Variants in MAPK10 observed in about 807,000 individuals in gnomAD.
MAPK10 encodes the protein mitogen-activated protein kinase 10, also known as JNK3 alpha protein kinase.
MAPK10 carries 25 observed loss-of-function variants against 59.3 expected under a neutral mutation model. The observed-to-expected ratio is 0.42, with a 90% confidence interval of 0.31 to 0.59. The LOEUF (loss-of-function observed/expected upper bound fraction) is 0.59, where lower values mean the gene tolerates loss of function less well. Among genes scored for constraint, MAPK10 ranks in the 20% least tolerant of loss-of-function variants. The pLI is 0.15. For synonymous variants in MAPK10, 190 were observed against 200.5 expected, an observed-to-expected ratio of 0.95 and a Z score of 0.44; for missense variants, 351 against 568.9, an observed-to-expected ratio of 0.62 and a Z score of 3.90.
chr4:86,208,445 C>G (rs1443928832), intron 2 of MAPK10, among the ~76,000 whole-genome samples: 1 of 148,578 alleles, frequency 6.7e-6, no homozygotes, highest in Non-Finnish European at 1.5e-5. Flanking sequence ...ATACGCAAGT[C>G]AATAAATGTA....
chr4:86,593,582 C>A (rs190989702), intron 1 of MAPK10, among the ~76,000 whole-genome samples: 42 of 152,262 alleles, frequency 2.8e-4, no homozygotes, highest in African/African-American at 9.4e-4. Flanking sequence ...TTTCAAACTT[C>A]GGGATTATTT....
intron 1 of MAPK10, among the ~76,000 whole-genome samples, chr4:86,577,193 A>G (rs1761965592): frequency 6.6e-6 from 1 of 151,754 alleles, no homozygotes; most frequent in Admixed American, 6.6e-5. Context: ...CACTTGTAAT[A>G]CCAGCTGCTT....
At chr4:86,289,977 G>T (rs1180093899) in intron 2 of MAPK10, among the ~76,000 whole-genome samples, 1 of 152,102 alleles carries the variant, frequency 6.6e-6, no homozygotes, top group African/African-American at 2.4e-5. Context: ...GCTAAGAATT[G>T]ATTTTGGACG....
chr4:86,015,823 A>C lies in MAPK10; in HGVS notation c.*1405T>G, dbSNP rs538270713. 1 of 152,320 alleles carries C rather than the reference A, an allele frequency of 6.6e-6. No individual in the cohort carries two copies. The highest frequency in any genetic ancestry group is 1.9e-4 in the East Asian group (1 of 5,190). The allele number at this position is 152,320 out of a possible 1,614,324, so 9.4% of individuals were successfully genotyped here. A position where few individuals can be genotyped will look rare whatever the true frequency, so the allele number is the denominator to read the frequency against. ...TTGCTCATACTTATTAAAATAAATAAATAAACATGAAACATCAGCCACATT... is the reference window on the plus strand; with the variant it reads ...TTGCTCATACTTATTAAAATAAATACATAAACATGAAACATCAGCCACATT... On this transcript the variant is annotated 3_prime_UTR_variant, in exon 14 of 14. Coordinates refer to ENST00000641462, the MANE Select transcript of MAPK10 (RefSeq NM_138982.4).
chr4:86,081,348 CAT>C (rs2050612184), intron 9 of MAPK10: 2 of 151,840 alleles, frequency 1.3e-5, no homozygotes, highest in Admixed American at 6.6e-5. Flanking sequence ...AGACATAAAA[CAT>C]ATAAATTATA....
At chr4:86,238,647 T>G (rs1563450485) in intron 2 of MAPK10, among the ~76,000 whole-genome samples, 2 of 152,222 alleles carry the variant, frequency 1.3e-5, no homozygotes, top group East Asian at 3.8e-4. Flanking sequence ...GCTCTCCGCT[T>G]GCCTATTGTT....
intron 4 of MAPK10, among the ~76,000 whole-genome samples, chr4:86,132,953 TA>T (rs2061277206): frequency 6.6e-6 from 1 of 152,158 alleles, no homozygotes; most frequent in South Asian, 2.1e-4. Context: ...ACAATAAATG[TA>T]ATGTGCTTGA....
intron 1 of MAPK10, among the ~76,000 whole-genome samples, chr4:86,426,320 T>C (rs1038896999): frequency 2.0e-5 from 3 of 152,208 alleles, no homozygotes; most frequent in African/African-American, 7.2e-5. Context: ...CTTTTCAGAA[T>C]AAAAATGCAA....
At chr4:86,541,463 C>A (rs903770522) in intron 1 of MAPK10, among the ~76,000 whole-genome samples, 1 of 152,048 alleles carries the variant, frequency 6.6e-6, no homozygotes, top group Non-Finnish European at 1.5e-5. Context: ...TTCCCAAAGA[C>A]CGCCACCAGG....
intron 3 of MAPK10, among the ~76,000 whole-genome samples, chr4:86,159,944 A>G (rs1233403412): frequency 1.3e-5 from 2 of 152,040 alleles, no homozygotes. Flanking sequence ...ATACAAACTT[A>G]TGTAAAGTTT....
intron 2 of MAPK10, among the ~76,000 whole-genome samples, chr4:86,302,099 A>G (rs1369062946): frequency 6.6e-6 from 1 of 152,176 alleles, no homozygotes; most frequent in Non-Finnish European, 1.5e-5. Context: ...TTTTGAATTT[A>G]CATGATGGTG....
intron 11 of MAPK10, among the ~76,000 whole-genome samples, chr4:86,047,466 G>C (rs572442505): frequency 6.6e-6 from 1 of 152,264 alleles, no homozygotes; most frequent in East Asian, 1.9e-4. Flanking sequence ...GAAAAGGGAA[G>C]CCTAAAGGTG....
intron 2 of MAPK10, among the ~76,000 whole-genome samples, chr4:86,320,095 T>C (rs533923645): frequency 1.4e-4 from 22 of 152,324 alleles, no homozygotes; most frequent in African/African-American, 5.3e-4. Flanking sequence ...GCACGAAACC[T>C]GGAGTCTAGT....
intron 1 of MAPK10, among the ~76,000 whole-genome samples, chr4:86,425,486 C>CTGTTT (rs1221803942): frequency 6.6e-6 from 1 of 151,830 alleles, no homozygotes; most frequent in African/African-American, 2.4e-5. Flanking sequence ...ACAAACACAC[C>CTGTTT]TGTTTTGTTT....
At chr4:86,122,774 T>G (rs1580690779) in intron 4 of MAPK10, among the ~76,000 whole-genome samples, 1 of 152,156 alleles carries the variant, frequency 6.6e-6, no homozygotes, top group Non-Finnish European at 1.5e-5. Flanking sequence ...ATGTGGATGG[T>G]CTGCCTCTGT....
intron 5 of MAPK10, among the ~76,000 whole-genome samples, chr4:86,104,374 T>C (rs1478075987): frequency 6.6e-6 from 1 of 152,144 alleles, no homozygotes; most frequent in African/African-American, 2.4e-5. Flanking sequence ...GTGTGGAATA[T>C]TCATATAGAA....
At chr4:86,573,429 T>G (rs1473100366) in intron 1 of MAPK10, among the ~76,000 whole-genome samples, 1 of 152,208 alleles carries the variant, frequency 6.6e-6, no homozygotes, top group Non-Finnish European at 1.5e-5. Flanking sequence ...TATGTGGGCA[T>G]CTTTCTGTAC....
intron 1 of MAPK10, among the ~76,000 whole-genome samples, chr4:86,569,692 C>T (rs1371766869): frequency 6.6e-6 from 1 of 152,018 alleles, no homozygotes; most frequent in African/African-American, 2.4e-5. Context: ...AGTGAAATGA[C>T]TCAGAAACAG....
chr4:86,103,075 C>T lies in MAPK10; in HGVS notation c.425+111G>A, dbSNP rs151177455. The T allele has an allele frequency of 1.4e-5, 7 of 496,826 alleles. No homozygotes were observed. In the East Asian group the frequency reaches 2.3e-4, roughly 16 times the overall value. The allele number at this position is 496,826 out of a possible 1,614,324, so 30.8% of individuals were successfully genotyped here. A position where few individuals can be genotyped will look rare whatever the true frequency, so the allele number is the denominator to read the frequency against. ...TTGAGCAGTATAAGGGATTTCAACT[C>T]TGTGTGTGTGTGTGTGTGTGTGTGT... On this transcript the variant is annotated intron_variant, in intron 6 of 13. Transcript: ENST00000641462.
Sources: gnomAD v4.1 joint callset for allele counts (sites outside exome capture counted in the v4.1 genomes callset) on GRCh38, gnomAD v4.1.1 for gene constraint, MANE v1.5 for transcripts, NCBI Gene and HGNC (gene_info 2026-07-23, HGNC 2026-07-21) for gene names.